ZRANB3: variants seen among roughly 807,000 people sequenced by gnomAD.
ZRANB3 encodes the protein DNA annealing helicase and endonuclease ZRANB3.
A neutral mutation model predicts 133.8 loss-of-function variants in ZRANB3; 125 were observed. The observed-to-expected ratio is 0.93, with a 90% CI of 0.81 to 1.08. The LOEUF (loss-of-function observed/expected upper bound fraction) is 1.08. ZRANB3 is among the 50% of genes least tolerant of loss of function. The pLI, the probability that ZRANB3 is intolerant of heterozygous loss-of-function variation, is 0.00. For synonymous variants in ZRANB3, 387 were observed against 432.7 expected (o/e 0.89, Z 1.31); for missense variants, 1,229 against 1,275.5 (o/e 0.96, Z 0.56).
intron 3 of ZRANB3, among the ~76,000 whole-genome samples, chr2:135,356,722 GTGTT>G (rs1685452888): frequency 1.3e-5 from 2 of 152,052 alleles, no homozygotes; most frequent in Admixed American, 6.6e-5. Flanking sequence ...GTTTTTTTGT[GTGTT>G]TGTTTTTTAG....
At chr2:135,414,507 A>G (rs1261348172) in intron 2 of ZRANB3, among the ~76,000 whole-genome samples, 1 of 152,152 alleles carries the variant, frequency 6.6e-6, no homozygotes, top group Non-Finnish European at 1.5e-5. Context: ...TAATAATGGG[A>G]GACTTTAACA....
chr2:135,405,448 T>G (rs931732100), intron 2 of ZRANB3, among the ~76,000 whole-genome samples: 6 of 152,068 alleles, frequency 3.9e-5, no homozygotes, highest in African/African-American at 1.4e-4. Context: ...AGGAATTAAA[T>G]ACAGCTCTGC....
At chr2:135,219,438 C>A (rs185428521) in intron 15 of ZRANB3, among the ~76,000 whole-genome samples, 3 of 152,316 alleles carry the variant, frequency 2.0e-5, no homozygotes, top group Admixed American at 6.5e-5. Flanking sequence ...AGCCTGGAAT[C>A]CTTTGTTTAC....
chr2:135,471,050 C>T (rs1460146311), intron 2 of ZRANB3, among the ~76,000 whole-genome samples: 1 of 151,322 alleles, frequency 6.6e-6, no homozygotes, highest in Non-Finnish European at 1.5e-5. Flanking sequence ...ATCCGCCCAC[C>T]TTGGTCTCCC....
chr2:135,354,193 A>G (rs1685331467), intron 3 of ZRANB3, among the ~76,000 whole-genome samples: 2 of 152,216 alleles, frequency 1.3e-5, no homozygotes, highest in African/African-American at 4.8e-5. Context: ...TTATATAATT[A>G]GTTTTATAAA....
intron 2 of ZRANB3, among the ~76,000 whole-genome samples, chr2:135,432,942 C>T (rs1689382700): frequency 6.6e-6 from 1 of 152,178 alleles, no homozygotes. Flanking sequence ...GGAGCCTGTG[C>T]CTCTGGAAAA....
At chr2:135,257,453 A>C (rs1203533412) in intron 12 of ZRANB3, among the ~76,000 whole-genome samples, 1 of 152,200 alleles carries the variant, frequency 6.6e-6, no homozygotes, top group Non-Finnish European at 1.5e-5. Flanking sequence ...TCTTGGATGT[A>C]CGATTGCTGG....
At chr2:135,252,750 G>A (rs1335747470) in intron 12 of ZRANB3, among the ~76,000 whole-genome samples, 1 of 152,160 alleles carries the variant, frequency 6.6e-6, no homozygotes, top group South Asian at 2.1e-4. Flanking sequence ...AAAGTCCTCT[G>A]CATGGAAATC....
At chr2:135,380,227 C>G (rs1050286017) in intron 3 of ZRANB3, among the ~76,000 whole-genome samples, 3 of 152,052 alleles carry the variant, frequency 2.0e-5, no homozygotes, top group African/African-American at 7.2e-5. Context: ...ACTTTTAAAA[C>G]CCCACTCACA....
intron 1 of ZRANB3, among the ~76,000 whole-genome samples, chr2:135,506,030 G>A (rs867900699): frequency 6.6e-5 from 10 of 152,128 alleles, no homozygotes; most frequent in Non-Finnish European, 1.2e-4. Flanking sequence ...AGAGCAGTCC[G>A]AGGAAAGAGC....
intron 8 of ZRANB3, among the ~76,000 whole-genome samples, chr2:135,276,716 T>A (rs1227705736): frequency 1.3e-5 from 2 of 152,064 alleles, no homozygotes; most frequent in African/African-American, 4.8e-5. Context: ...TGGAGAAAAG[T>A]CAATAGCAAC....
intron 2 of ZRANB3, among the ~76,000 whole-genome samples, chr2:135,443,928 T>C (rs1158767115): frequency 6.6e-6 from 1 of 152,176 alleles, no homozygotes; most frequent in Non-Finnish European, 1.5e-5. Flanking sequence ...AAAGAATTCT[T>C]TAATAAGAAG....
intron 6 of ZRANB3, among the ~76,000 whole-genome samples, chr2:135,336,359 T>C (rs1048423545): frequency 3.3e-5 from 5 of 152,234 alleles, no homozygotes; most frequent in South Asian, 2.1e-4. Flanking sequence ...ATATAAAATA[T>C]GGGTCTAGAA....
intron 8 of ZRANB3, among the ~76,000 whole-genome samples, chr2:135,288,030 T>G (rs889762614): frequency 1.3e-5 from 2 of 152,198 alleles, no homozygotes; most frequent in African/African-American, 4.8e-5. Flanking sequence ...GGGGGAATGC[T>G]TTCAACTTTT....
intron 2 of ZRANB3, among the ~76,000 whole-genome samples, chr2:135,499,612 A>G (rs1389586324): frequency 1.3e-5 from 2 of 152,222 alleles, no homozygotes; most frequent in South Asian, 4.1e-4. Flanking sequence ...ATTAAATTTT[A>G]CTTATCATCA....
chr2:135,267,262 G>A (rs1680295165), intron 11 of ZRANB3, among the ~76,000 whole-genome samples: 1 of 152,124 alleles, frequency 6.6e-6, no homozygotes, highest in African/African-American at 2.4e-5. Context: ...TCTTGCTGGT[G>A]GGTACCTGCG....
intron 12 of ZRANB3, among the ~76,000 whole-genome samples, chr2:135,253,460 C>T (rs564103827): frequency 1.3e-5 from 2 of 152,228 alleles, no homozygotes; most frequent in Admixed American, 6.5e-5. Context: ...TGCTTAACAA[C>T]GGAGATACAG....
chr2:135,348,283 A>G (rs1685040275), intron 5 of ZRANB3, among the ~76,000 whole-genome samples: 1 of 151,896 alleles, frequency 6.6e-6, no homozygotes. Context: ...AAAGAAAAGA[A>G]AGAAAGAAAA....
intron 6 of ZRANB3, among the ~76,000 whole-genome samples, chr2:135,328,263 T>C (rs1683943369): frequency 7.2e-6 from 1 of 139,480 alleles, no homozygotes; most frequent in Non-Finnish European, 1.5e-5. Flanking sequence ...CCCTGCCCTA[T>C]GTCCAAGCAT....
Sources: allele counts gnomAD v4.1 joint callset (sites outside exome capture counted in the v4.1 genomes callset), GRCh38; gene constraint gnomAD v4.1.1; transcripts MANE v1.5; gene names NCBI Gene and HGNC (gene_info 2026-07-23, HGNC 2026-07-21).